Variants in CRTC1 observed in about 807,000 individuals in gnomAD.
CRTC1 encodes the protein CREB-regulated transcription coactivator 1.
In CRTC1, 18 loss-of-function variants were observed where a neutral mutation model predicts 66.1. The observed-to-expected ratio is 0.27, with a 90% CI of 0.19 to 0.40. The LOEUF (loss-of-function observed/expected upper bound fraction) is 0.40, where lower values mean the gene tolerates loss of function less well. CRTC1 is among the 10% of genes least tolerant of loss of function. The probability of loss-of-function intolerance (pLI) is 1.00; values close to 1 mark genes in which losing one functional copy is unlikely to be tolerated. For synonymous variants in CRTC1, 416 were observed against 398.8 expected (o/e 1.04, Z -0.51); for missense variants, 669 against 887.9 (o/e 0.75, Z 3.13).
intron 9 of CRTC1, among the ~76,000 whole-genome samples, chr19:18,767,153 TAACA>T (rs2054754241): frequency 6.6e-6 from 1 of 152,130 alleles, no homozygotes; most frequent in Non-Finnish European, 1.5e-5. Flanking sequence ...AAAAAAACCC[TAACA>T]GAGAACTTTG....
chr19:18,752,899 A>C (rs1348159771), intron 5 of CRTC1, among the ~76,000 whole-genome samples: 1 of 151,528 alleles, frequency 6.6e-6, no homozygotes, highest in Non-Finnish European at 1.5e-5. Flanking sequence ...CAGCCTCCCA[A>C]AGTGCTGGGA....
intron 7 of CRTC1, 80 bp downstream of exon 7, chr19:18,759,671 T>C: frequency 6.6e-7 from 1 of 1,505,200 alleles, no homozygotes; most frequent in Non-Finnish European, 9.1e-7. Flanking sequence ...GTCCACTCTC[T>C]TGAGGTTGCA....
chr19:18,775,130 C>T (rs960567384), intron 12 of CRTC1, 144 bp downstream of exon 12: 28 of 789,994 alleles, frequency 3.5e-5, no homozygotes, highest in Admixed American at 1.2e-4. Flanking sequence ...CCTCGGCCCC[C>T]GCCCCGTCCC....
At position 18,747,133 on chromosome 19, in the gene CRTC1, C is replaced by CCCCCCA; in HGVS notation, c.443+24_443+25insACCCCC. 1.2e-6 allele frequency: 1 copy of CCCCCCA among 815,216 alleles called. No individual in the cohort carries two copies. Among genetic ancestry groups the CCCCCCA allele is most frequent in the Non-Finnish European group, 1.9e-6 (1 of 518,468 alleles). The allele number at this position is 815,216 out of a possible 1,614,324, so 50.5% of individuals were successfully genotyped here. On this transcript the variant is annotated intron_variant, in intron 4 of 13. Transcript: ENST00000321949. ...GGAGAAGGTCAGTGGCTGGACACCC[C>CCCCCCA]CCCCCCGCCCCCTTCTTGTTGGAAA...
chr19:18,751,911 A>G lies in CRTC1; in HGVS notation c.539-1589A>G, dbSNP rs139218765. Among the ~76,000 whole-genome samples, 20 of 152,186 alleles carry G rather than the reference A, an allele frequency of 1.3e-4. No homozygotes were observed. In the East Asian group the frequency reaches 3.7e-3, roughly 28 times the overall value. On this transcript the variant is annotated intron_variant, in intron 5 of 13. Coordinates refer to ENST00000321949, the MANE Select transcript of CRTC1 (RefSeq NM_015321.3). ...GCGGTGGGTCATGCCTGGAATCCCA[A>G]CACTTCGGGAGAGAGGCTGAGGTGG... is the stretch of plus-strand genomic sequence containing the variant.
intron 1 of CRTC1, among the ~76,000 whole-genome samples, chr19:18,687,703 T>C (rs1263560483): frequency 6.6e-6 from 1 of 152,158 alleles, no homozygotes. Context: ...GCGTGTCTGT[T>C]CACAGTTGCC....
intron 10 of CRTC1, among the ~76,000 whole-genome samples, chr19:18,770,256 T>C (rs1227924773): frequency 6.6e-6 from 1 of 152,246 alleles, no homozygotes; most frequent in Admixed American, 6.5e-5. Context: ...CTGAAAGTTC[T>C]GGGTCATAGC....
rs908022754 is a variant in CRTC1 at position 18,698,462 on chromosome 19, TACTCAGCAGGC to T, written c.126+14648_126+14658del. On this transcript the variant is annotated intron_variant, in intron 1 of 13. Coordinates refer to ENST00000321949, the MANE Select transcript of CRTC1 (RefSeq NM_015321.3). ...AAGTGCTTAGCAGGTGCACAGTGTG[TACTCAGCAGGC>T]ACTCAGCAGGCACAGTGTGTACTCA... is the stretch of plus-strand genomic sequence containing the variant. 4.1e-5 allele frequency among the ~76,000 whole-genome samples: 6 copies of T among 146,338 alleles called. No individual in the cohort carries two copies. In the South Asian group the frequency reaches 6.5e-4, roughly 16 times the overall value.
chr19:18,706,239 C>T (rs2053263604), intron 1 of CRTC1, among the ~76,000 whole-genome samples: 1 of 82,556 alleles, frequency 1.2e-5, no homozygotes, highest in South Asian at 4.3e-4. Context: ...GAGTCTTGCT[C>T]TGTCTCTCAG....
rs2055079103 is a variant in CRTC1, at chr19:18,780,323, A to G, written c.*2941A>G. On this transcript the variant is annotated 3_prime_UTR_variant, in exon 14 of 14. Coordinates refer to ENST00000321949, the MANE Select transcript of CRTC1 (RefSeq NM_015321.3). ...AGCCAGGGCTCTCCCTCCTGAGAGC[A>G]TGGCGTCCCCACCTTCCTGTTTCGC... 4.3e-6 allele frequency: 1 copy of G among 231,872 alleles called. No homozygotes were observed. Among genetic ancestry groups the G allele is most frequent in the Non-Finnish European group, 8.5e-6 (1 of 117,214 alleles). The allele number at this position is 231,872 out of a possible 1,614,324, so 14.4% of individuals were successfully genotyped here. A position where few individuals can be genotyped will look rare whatever the true frequency, so the allele number is the denominator to read the frequency against.
At position 18,768,671 on chromosome 19, in the gene CRTC1, C is replaced by G; in HGVS notation, c.1198C>G (p.Pro400Ala). ...CCTGCCCCCTGGTGGCCCCCTGTTG[C>G]CCAGCGCCAGCCTGACTCGTGGGCC... ...VRLPPGGPLLPSASLTRGPQP... is the reference protein window; with the variant it reads ...VRLPPGGPLLASASLTRGPQP... Residue 400 changes from proline to alanine, a missense_variant, in exon 10 of 14, where the codon CCC (proline) becomes GCC (alanine). By Grantham distance (27) the Pro-to-Ala change is conservative. Around this residue, in one of 8 missense-constraint regions of CRTC1, gnomAD observed 241 missense variants for 242.2 expected, o/e 0.99. Coordinates refer to ENST00000321949, the MANE Select transcript of CRTC1 (RefSeq NM_015321.3). This position sits in a 1 kb window ranked among gnomAD's most constrained non-coding sequence, Gnocchi z 5.6. 1 of 1,546,424 alleles carries G rather than the reference C, an allele frequency of 6.5e-7. No homozygotes were observed. Among genetic ancestry groups the G allele is most frequent in the Non-Finnish European group, 8.7e-7 (1 of 1,146,602 alleles).
At chr19:18,725,565 G>A (rs2053731575) in intron 1 of CRTC1, among the ~76,000 whole-genome samples, 1 of 152,172 alleles carries the variant, frequency 6.6e-6, no homozygotes, top group Non-Finnish European at 1.5e-5. Flanking sequence ...CCAGACCTGT[G>A]GCTATGCGTG....
Position 18,748,600 on chromosome 19 carries a change from C to T in CRTC1, c.444-1181C>T, listed in dbSNP as rs559001724. ...CTGTAATCCCAGCACTTTGGGAGGCCGAGGCGGGTGGATCACTAGAGCTTG... is the reference window on the plus strand; with the variant it reads ...CTGTAATCCCAGCACTTTGGGAGGCTGAGGCGGGTGGATCACTAGAGCTTG... On this transcript the variant is annotated intron_variant, in intron 4 of 13. Transcript: ENST00000321949. Among the ~76,000 whole-genome samples the T allele has an allele frequency of 2.0e-5, 3 of 146,874 alleles. No individual in the cohort carries two copies. The South Asian group carries it at 6.6e-4, about 32-fold the overall frequency.
In CRTC1 at chr19:18,747,257, G is replaced by A. The variant is rs1047514933; in HGVS notation, c.443+143G>A. On this transcript the variant is annotated intron_variant, in intron 4 of 13. Coordinates refer to ENST00000321949, the MANE Select transcript of CRTC1 (RefSeq NM_015321.3). ...TGCATCCAGAAGTTTCTAGAAATTA[G>A]CCTTCACCCTGAAACACAGGAGTTC... is the stretch of plus-strand genomic sequence containing the variant. 2.5e-5 allele frequency: 15 copies of A among 607,372 alleles called. No individual in the cohort carries two copies. In the South Asian group the frequency reaches 3.0e-4, roughly 12 times the overall value. The allele number at this position is 607,372 out of a possible 1,614,324, so 37.6% of individuals were successfully genotyped here.
In CRTC1 at chr19:18,736,027, C is replaced by T. The variant is rs538576286; in HGVS notation, c.127-6883C>T. On this transcript the variant is annotated intron_variant, in intron 1 of 13. Coordinates refer to ENST00000321949, the MANE Select transcript of CRTC1 (RefSeq NM_015321.3). ...TGGGGCGGGAGCTGGGCTGGCTGAG[C>T]GGGTGGGTGCCTGAGCCTTGGTTGG... Among the ~76,000 whole-genome samples, 38 of 152,108 alleles carry T rather than the reference C, an allele frequency of 2.5e-4. 1 individual carries two copies. Among genetic ancestry groups the T allele is most frequent in the Admixed American group, 1.3e-3 (20 of 15,288 alleles).
At position 18,768,564 on chromosome 19, in the gene CRTC1, C is replaced by A; in HGVS notation, c.1091C>A (p.Pro364Gln). ...ACCCAGGCGGGCTCCCAGCAGCCACCGCCGCAGCCCCAGCCCCCGCCGCCT... is the reference window on the plus strand; with the variant it reads ...ACCCAGGCGGGCTCCCAGCAGCCACAGCCGCAGCCCCAGCCCCCGCCGCCT... ...FFTQAGSQQP[P>Q]PQPQPPPPPP... The change falls in exon 10 of 14, where the codon CCG (proline) becomes CAG (glutamine). Residue 364 changes from proline to glutamine, a missense_variant. Coordinates refer to ENST00000321949, the MANE Select transcript of CRTC1 (RefSeq NM_015321.3). This position sits in a 1 kb window ranked among gnomAD's most constrained non-coding sequence, Gnocchi z 5.6. 6.3e-7 allele frequency: 1 copy of A among 1,599,414 alleles called. No individual in the cohort carries two copies. Among genetic ancestry groups the A allele is most frequent in the Non-Finnish European group, 8.5e-7 (1 of 1,174,472 alleles).
In CRTC1 at chr19:18,705,885, C is replaced by A. The variant is rs563066845; in HGVS notation, c.126+22057C>A. Among the ~76,000 whole-genome samples the A allele has an allele frequency of 3.3e-5, 5 of 149,906 alleles. No individual in the cohort carries two copies. In the East Asian group the frequency reaches 9.8e-4, roughly 29 times the overall value. On this transcript the variant is annotated intron_variant, in intron 1 of 13. Coordinates refer to ENST00000321949, the MANE Select transcript of CRTC1 (RefSeq NM_015321.3). ...TGATTAGTGATGTTGAGCATCTTTTCATGTGCTTCTTGGCCATTTGTCTGT... is the reference window on the plus strand; with the variant it reads ...TGATTAGTGATGTTGAGCATCTTTTAATGTGCTTCTTGGCCATTTGTCTGT...
chr19:18,733,962 C>T (rs747660332), intron 1 of CRTC1, among the ~76,000 whole-genome samples: 18 of 151,986 alleles, frequency 1.2e-4, no homozygotes, highest in African/African-American at 3.6e-4. Context: ...TACAAAAATT[C>T]GCCGGGCATG....
At chr19:18,747,029 C>T in intron 3 of CRTC1, 24 bp from the exon 4 acceptor site, 1 of 1,610,854 alleles carries the variant, frequency 6.2e-7, no homozygotes, top group Non-Finnish European at 8.5e-7. Flanking sequence ...CAGCCAGTGG[C>T]ACTGCCCCCT....
Sources: gnomAD v4.1 joint callset for allele counts (sites outside exome capture counted in the v4.1 genomes callset) on GRCh38, gnomAD v4.1.1 for gene constraint, gnomAD v4.1.1 regional missense constraint, Gnocchi (gnomAD v3.1) non-coding constraint, MANE v1.5 for transcripts, NCBI Gene and HGNC (gene_info 2026-07-23, HGNC 2026-07-21) for gene names.